GPHN: variants seen among roughly 807,000 people sequenced by gnomAD.
GPHN encodes the protein gephyrin.
A neutral mutation model predicts 95.5 loss-of-function variants in GPHN; 17 were observed. That is an observed-to-expected ratio of 0.18 (90% CI 0.12 to 0.27). The LOEUF is 0.27. GPHN is among the 10% of genes least tolerant of loss of function. GPHN has a pLI of 1.00. For missense variants in GPHN, 660 were observed against 978.1 expected (o/e 0.67, Z 4.34); for synonymous variants, 320 against 322.5 (o/e 0.99, Z 0.08).
At chr14:66,794,774 T>C (rs2060098818) in intron 3 of GPHN, among the ~76,000 whole-genome samples, 2 of 152,332 alleles carry the variant, frequency 1.3e-5, no homozygotes, top group Non-Finnish European at 2.9e-5. Flanking sequence ...CATTTGGCAA[T>C]GGTTGGTTTA....
intron 5 of GPHN, among the ~76,000 whole-genome samples, chr14:66,894,131 C>A (rs547523471): frequency 2.0e-5 from 3 of 152,244 alleles, no homozygotes; most frequent in South Asian, 4.2e-4. Flanking sequence ...GCTACAGTAA[C>A]CAAAACAGCA....
At chr14:67,676,579 GA>G in the GPHN span, among the ~76,000 whole-genome samples, 58 of 150,188 alleles carry the variant, frequency 3.9e-4, 1 homozygote, top group African/African-American at 1.2e-3. Context: ...AAAAAGAAAG[GA>G]AAAAAAAATG....
At chr14:67,202,751 C>A in the GPHN span, among the ~76,000 whole-genome samples, 1 of 152,194 alleles carries the variant, frequency 6.6e-6, no homozygotes, top group African/African-American at 2.4e-5. Context: ...CTAACTGTTA[C>A]CAGAACATCA....
chr14:66,982,715 T>G (rs1239675414), intron 9 of GPHN, among the ~76,000 whole-genome samples: 1 of 152,154 alleles, frequency 6.6e-6, no homozygotes, highest in Non-Finnish European at 1.5e-5. Context: ...CTCAATTTAC[T>G]CCACAATCCT....
Position 66,775,190 on chromosome 14 carries a change from G to A in GPHN, c.144-1274G>A, listed in dbSNP as rs138296572. On this transcript the variant is annotated intron_variant, in intron 2 of 22. Transcript: ENST00000478722. ...CTTTTTTTTTAATGGAAACCAGAAT[G>A]GTATTTATTATTTTACATTTGGGAG... is the stretch of plus-strand genomic sequence containing the variant. Among the ~76,000 whole-genome samples, 4 of 151,824 alleles carry A rather than the reference G, an allele frequency of 2.6e-5. No homozygotes were observed. The East Asian group carries it at 7.7e-4, about 29-fold the overall frequency.
intron 8 of GPHN, among the ~76,000 whole-genome samples, chr14:66,964,899 A>T (rs2069205971): frequency 6.6e-6 from 1 of 152,230 alleles, no homozygotes; most frequent in Non-Finnish European, 1.5e-5. Context: ...AAGATTTCAA[A>T]CTATTAAATG....
intron 2 of GPHN, among the ~76,000 whole-genome samples, chr14:66,709,781 T>C (rs11158645): frequency 0.17 from 25,640 of 152,098 alleles, 2,510 homozygotes; most frequent in Non-Finnish European, 0.23. Flanking sequence ...CTTCCACTTA[T>C]AAGATATACA....
At chr14:66,565,473 A>AT (rs1336409632) in intron 1 of GPHN, among the ~76,000 whole-genome samples, 5 of 151,962 alleles carry the variant, frequency 3.3e-5, no homozygotes. Context: ...TAATTTTATA[A>AT]TTTTTTGGAA....
chr14:67,387,544 G>T, the GPHN span: 2 of 1,308,418 alleles, frequency 1.5e-6, no homozygotes, highest in Admixed American at 2.2e-5. Flanking sequence ...ACTGAGACAT[G>T]GACAAAAACA....
At chr14:67,308,976 G>A in the GPHN span, among the ~76,000 whole-genome samples, 2 of 151,904 alleles carry the variant, frequency 1.3e-5, no homozygotes, top group South Asian at 4.2e-4. Context: ...TCATCATTAC[G>A]ACTTCAAATG....
At chr14:66,955,801 G>A (rs527434866) in intron 8 of GPHN, among the ~76,000 whole-genome samples, 4 of 152,030 alleles carry the variant, frequency 2.6e-5, no homozygotes, top group Admixed American at 2.0e-4. Flanking sequence ...GAGAACATGC[G>A]GTGTTTGGAT....
At chr14:67,404,665 T>G in the GPHN span, among the ~76,000 whole-genome samples, 1 of 151,362 alleles carries the variant, frequency 6.6e-6, no homozygotes, top group Non-Finnish European at 1.5e-5. Context: ...AAAAAATTAG[T>G]CAGGTGTGGT....
chr14:66,833,868 A>G (rs1047744174), intron 4 of GPHN, among the ~76,000 whole-genome samples: 1 of 152,160 alleles, frequency 6.6e-6, no homozygotes, highest in African/African-American at 2.4e-5. Flanking sequence ...GCTATATCTT[A>G]ATTAGCTTAG....
At chr14:66,839,461 C>A (rs2153506599) in intron 4 of GPHN, among the ~76,000 whole-genome samples, 1 of 152,226 alleles carries the variant, frequency 6.6e-6, no homozygotes, top group South Asian at 2.1e-4. Flanking sequence ...CAGGCTAAAC[C>A]TTTATGGAAA....
At chr14:67,464,051 G>A in the GPHN span, among the ~76,000 whole-genome samples, 1 of 152,154 alleles carries the variant, frequency 6.6e-6, no homozygotes, top group Non-Finnish European at 1.5e-5. Context: ...GCATGAGGTG[G>A]CGCAGGGTGT....
chr14:66,990,017 A>G (rs1371855099), intron 9 of GPHN, among the ~76,000 whole-genome samples: 1 of 152,146 alleles, frequency 6.6e-6, no homozygotes. Context: ...GGTAATTTAT[A>G]AAGAAAAAAG....
chr14:67,342,221 AAT>A, the GPHN span, among the ~76,000 whole-genome samples: 1,230 of 149,492 alleles, frequency 8.2e-3, 31 homozygotes, highest in East Asian at 0.054. Context: ...AATAAAATAA[AAT>A]AAAAAAAAAC....
intron 11 of GPHN, among the ~76,000 whole-genome samples, chr14:67,080,113 T>G (rs1454693749): frequency 6.6e-6 from 1 of 152,146 alleles, no homozygotes; most frequent in Non-Finnish European, 1.5e-5. Flanking sequence ...GCTATCCTAA[T>G]AAGTAAGGTG....
At chr14:66,808,350 G>A (rs1595972063) in intron 3 of GPHN, among the ~76,000 whole-genome samples, 1 of 152,226 alleles carries the variant, frequency 6.6e-6, no homozygotes, top group Non-Finnish European at 1.5e-5. Flanking sequence ...TCTCTTAAAA[G>A]TATCTTTGCT....
Sources: gnomAD v4.1 joint callset for allele counts (sites outside exome capture counted in the v4.1 genomes callset) on GRCh38, gnomAD v4.1.1 for gene constraint, MANE v1.5 for transcripts, NCBI Gene and HGNC (gene_info 2026-07-23, HGNC 2026-07-21) for gene names.